TGFBRAP1: variants seen among roughly 807,000 people sequenced by gnomAD.
The protein encoded by TGFBRAP1 is transforming growth factor-beta receptor-associated protein 1.
TGFBRAP1 carries 20 observed loss-of-function variants against 83.2 expected under a neutral mutation model. The observed-to-expected ratio is 0.24, with a 90% CI of 0.17 to 0.35. The LOEUF is 0.35. TGFBRAP1 is among the 10% of genes least tolerant of loss of function. The pLI, the probability that TGFBRAP1 is intolerant of heterozygous loss-of-function variation, is 1.00. For missense variants in TGFBRAP1, 950 were observed against 1,099.4 expected (o/e 0.86, Z 1.92); for synonymous variants, 415 against 459.8 (o/e 0.90, Z 1.25).
rs1677213546 is a variant in TGFBRAP1 at position 105,272,994 on chromosome 2, G to A, written c.1833C>T (p.His611=). ...KRLQKEEYHT[H]LAVLYLEEVL... ...CCTCTTCCAGGTACAGCACAGCTAA[G>A]TGGGTGTGATACTCTTCTTTCTGCA... Residue 611 remains histidine, a synonymous_variant, in exon 10 of 12, where the codon CAC becomes CAT. Transcript: ENST00000393359. 4.3e-6 allele frequency: 7 copies of A among 1,612,776 alleles called. No homozygotes were observed. The highest frequency in any genetic ancestry group is 5.9e-6 in the Non-Finnish European group (7 of 1,179,780).
chr2:105,272,890 T>C lies in TGFBRAP1; in HGVS notation c.1937A>G (p.Gln646Arg). The C allele has an allele frequency of 6.2e-7, 1 of 1,609,516 alleles. No individual in the cohort carries two copies. Among genetic ancestry groups the C allele is most frequent in the Non-Finnish European group, 8.5e-7 (1 of 1,179,910 alleles). The change falls in exon 10 of 12, where the codon CAG (glutamine) becomes CGG (arginine). Residue 646 changes from glutamine to arginine, a missense_variant. Gln to Arg is a conservative substitution (Grantham distance 43). Transcript: ENST00000393359. ...GTGGACTCGGTATAAATCAGATTTC[T>C]GGAGCAGCCGCCGCAGCTTGGCCTG... ...ETQAKLRRLLQKSDLYRVHFL... is the reference protein window; with the variant it reads ...ETQAKLRRLLRKSDLYRVHFL...
At chr2:105,318,717 A>G (rs1015018210) in intron 1 of TGFBRAP1, among the ~76,000 whole-genome samples, 1 of 152,234 alleles carries the variant, frequency 6.6e-6, no homozygotes, top group Non-Finnish European at 1.5e-5. Flanking sequence ...TCAAAGTCCA[A>G]TTTGGGGCAT....
chr2:105,315,535 A>G (rs1678828284), intron 1 of TGFBRAP1, among the ~76,000 whole-genome samples: 2 of 152,226 alleles, frequency 1.3e-5, no homozygotes, highest in Admixed American at 6.5e-5. Context: ...GAAGACAAAC[A>G]TTTTTAAAAT....
At chr2:105,316,340 C>CA (rs201007530) in intron 1 of TGFBRAP1, among the ~76,000 whole-genome samples, 95 of 61,544 alleles carry the variant, frequency 1.5e-3, no homozygotes, top group African/African-American at 2.5e-3. Context: ...ATGTTTTTTA[C>CA]AAAAAAAAAA....
chr2:105,285,087 G>C (rs145752091), intron 4 of TGFBRAP1, among the ~76,000 whole-genome samples: 1 of 152,184 alleles, frequency 6.6e-6, no homozygotes, highest in Admixed American at 6.5e-5. Flanking sequence ...TGGTGTCCTC[G>C]TCTTGCCATT....
At chr2:105,322,591 T>A (rs1679099745) in intron 1 of TGFBRAP1, among the ~76,000 whole-genome samples, 1 of 152,196 alleles carries the variant, frequency 6.6e-6, no homozygotes, top group South Asian at 2.1e-4. Context: ...GATACACACA[T>A]ACTTTGGTGT....
At chr2:105,258,769 ACACACT>A in the TGFBRAP1 span, among the ~76,000 whole-genome samples, 4 of 125,182 alleles carry the variant, frequency 3.2e-5, no homozygotes, top group African/African-American at 1.1e-4. Context: ...ACACACACAC[ACACACT>A]GTCTCTCTCT....
chr2:105,302,784 T>C (rs1447696698), intron 2 of TGFBRAP1, among the ~76,000 whole-genome samples: 1 of 152,170 alleles, frequency 6.6e-6, no homozygotes, highest in Non-Finnish European at 1.5e-5. Flanking sequence ...CCAAAGCAAC[T>C]TCTAAAAATC....
At chr2:105,306,804 AAAAC>A (rs776088200) in intron 2 of TGFBRAP1, among the ~76,000 whole-genome samples, 6 of 152,244 alleles carry the variant, frequency 3.9e-5, no homozygotes, top group African/African-American at 1.2e-4. Context: ...GTCTCAAAAC[AAAAC>A]AAACAAACAA....
chr2:105,310,384 G>C (rs1160933417), intron 1 of TGFBRAP1, among the ~76,000 whole-genome samples: 4 of 152,068 alleles, frequency 2.6e-5, no homozygotes, highest in Non-Finnish European at 5.9e-5. Context: ...CCTCAGATAT[G>C]GGTAACCTGT....
intron 10 of TGFBRAP1, 115 bp downstream of exon 10, chr2:105,272,740 A>T: frequency 7.4e-7 from 1 of 1,350,370 alleles, no homozygotes; most frequent in South Asian, 1.4e-5. Flanking sequence ...AAGAGGCTCA[A>T]AGAATCACCC....
chr2:105,254,371 C>T, the TGFBRAP1 span, among the ~76,000 whole-genome samples: 1 of 152,052 alleles, frequency 6.6e-6, no homozygotes, highest in Non-Finnish European at 1.5e-5. Flanking sequence ...GATTATGAAT[C>T]AGGTTAAGAA....
rs1009833449 is a variant in TGFBRAP1, at chr2:105,265,642, C to A, written c.*1741G>T. On this transcript the variant is annotated 3_prime_UTR_variant, in exon 12 of 12. Transcript: ENST00000393359. The stretch of plus-strand genomic sequence containing the variant: ...CATATGCAGTAATATGACCATTCTA[C>A]AACAGAGTCACCCACAGGTAAAACA... 3.9e-5 allele frequency: 6 copies of A among 152,654 alleles called. No homozygotes were observed. The highest frequency in any genetic ancestry group is 1.3e-4 in the Admixed American group (2 of 15,282). The allele number at this position is 152,654 out of a possible 1,614,324, so 9.5% of individuals were successfully genotyped here.
intron 5 of TGFBRAP1, 81 bp from the exon 6 acceptor site, chr2:105,280,804 C>G (rs2679833): frequency 5.5e-6 from 8 of 1,442,954 alleles, no homozygotes; most frequent in South Asian, 4.1e-5. Context: ...TGGAGGGGAG[C>G]GCACGGTGGC....
chr2:105,320,148 C>A (rs753586871), intron 1 of TGFBRAP1, among the ~76,000 whole-genome samples: 8 of 152,102 alleles, frequency 5.3e-5, no homozygotes, highest in Admixed American at 6.5e-5. Context: ...TGGTGTCCTA[C>A]GTGTCTGCAA....
chr2:105,297,418 ACC>A (rs946660786), intron 3 of TGFBRAP1, among the ~76,000 whole-genome samples: 27 of 152,298 alleles, frequency 1.8e-4, no homozygotes, highest in Non-Finnish European at 3.5e-4. Flanking sequence ...CTCAACAGGC[ACC>A]GCACCACAAC....
Position 105,267,453 on chromosome 2 carries a change from A to T in TGFBRAP1, c.2513T>A (p.Leu838His). 6.2e-7 allele frequency: 1 copy of T among 1,614,238 alleles called. No homozygotes were observed. Among genetic ancestry groups the T allele is most frequent in the Non-Finnish European group, 8.5e-7 (1 of 1,180,050 alleles). ...GCTGGCGGCACAGTGGGTGTGCACA[A>T]GACCACCATTTGGGTATCTAACAAA... ...PVFVRYPNGGLVHTHCAASRH... is the reference protein window; with the variant it reads ...PVFVRYPNGGHVHTHCAASRH... The change falls in exon 12 of 12, where the codon CTT (leucine) becomes CAT (histidine). Residue 838 changes from leucine to histidine, a missense_variant. By Grantham distance (99) the Leu-to-His change is moderately conservative. Transcript: ENST00000393359.
chr2:105,307,737 T>C lies in TGFBRAP1; in HGVS notation c.565A>G (p.Ile189Val). 3.1e-6 allele frequency: 5 copies of C among 1,614,122 alleles called. No homozygotes were observed. Among genetic ancestry groups the C allele is most frequent in the Non-Finnish European group, 4.2e-6 (5 of 1,180,020 alleles). The change falls in exon 2 of 12, where the codon ATC (isoleucine) becomes GTC (valine). Residue 189 changes from isoleucine (I) to valine (V), a missense_variant. Physicochemically the swap from Ile to Val is conservative, Grantham distance 29 (BLOSUM62 3). Coordinates refer to ENST00000393359, the MANE Select transcript of TGFBRAP1 (RefSeq NM_004257.6). Reference sequence around the variant, plus strand: ...ACGCCTGTGCTGTAATTGTGGATGATGTACTGAGTGGTCAGAGCCAGACAC... The same window carrying C: ...ACGCCTGTGCTGTAATTGTGGATGACGTACTGAGTGGTCAGAGCCAGACAC... ...FLCLALTTQY[I>V]IHNYSTGVSQ... is the part of the protein sequence containing the mutation.
In TGFBRAP1 at chr2:105,264,900, T is replaced by A. The variant is rs1445577910; in HGVS notation, c.*2483A>T. On this transcript the variant is annotated 3_prime_UTR_variant, in exon 12 of 12. Transcript: ENST00000393359. ...AAAAAGGTCTGATGGATCTAATTGC[T>A]CTATTCGATGGCACAGTTACAAATC... is the stretch of plus-strand genomic sequence containing the variant. 1 of 152,218 alleles carries A rather than the reference T, an allele frequency of 6.6e-6. No homozygotes were observed. Among genetic ancestry groups the A allele is most frequent in the Non-Finnish European group, 1.5e-5 (1 of 68,040 alleles). 9.4% of individuals were successfully genotyped at this position (152,218 alleles called of 1,614,324 possible).
Sources: allele counts gnomAD v4.1 joint callset (sites outside exome capture counted in the v4.1 genomes callset), GRCh38; gene constraint gnomAD v4.1.1; transcripts MANE v1.5; gene names NCBI Gene and HGNC (gene_info 2026-07-23, HGNC 2026-07-21).